The following SYNDIG1L variants were observed in gnomAD, a reference collection of about 807,000 sequenced individuals.
SYNDIG1L encodes synapse differentiation inducing 1 like, also known as synapse differentiation-inducing gene protein 1-like.
A neutral mutation model predicts 20.1 loss-of-function variants in SYNDIG1L; 13 were observed. That is an observed-to-expected ratio of 0.65 (90% CI 0.42 to 1.03). The LOEUF is 1.03. Among genes scored for constraint, SYNDIG1L ranks in the 50% least tolerant of loss-of-function variants. The pLI is 0.00. For synonymous variants in SYNDIG1L, 128 were observed against 129.3 expected, an observed-to-expected ratio of 0.99 and a Z score of 0.07; for missense variants, 294 against 305.1, an observed-to-expected ratio of 0.96 and a Z score of 0.27.
At chr14:74,412,485 C>T (rs962049516) in intron 1 of SYNDIG1L, among the ~76,000 whole-genome samples, 1 of 152,158 alleles carries the variant, frequency 6.6e-6, no homozygotes, top group African/African-American at 2.4e-5. Flanking sequence ...ATGAAATGGC[C>T]ACTGGTGTCA....
chr14:74,406,176 G>A lies in SYNDIG1L; in HGVS notation c.*1359C>T. On this transcript the variant is annotated 3_prime_UTR_variant, in exon 4 of 4. Transcript: ENST00000331628. ...TACCTGGAGATGTCTCTAAAATTCT[G>A]GATGTGCCCTAGTGGCTGAGGGTGT... The A allele has an allele frequency of 2.5e-6, 1 of 398,562 alleles. No individual in the cohort carries two copies. The highest frequency in any genetic ancestry group is 4.4e-6 in the Non-Finnish European group (1 of 226,270). The allele number at this position is 398,562 out of a possible 1,614,324, so 24.7% of individuals were successfully genotyped here.
At chr14:74,421,594 G>C (rs1320262721) in intron 1 of SYNDIG1L, among the ~76,000 whole-genome samples, 2 of 152,222 alleles carry the variant, frequency 1.3e-5, no homozygotes, top group African/African-American at 4.8e-5. Flanking sequence ...CACACACACA[G>C]AAGAGCAGGA....
the SYNDIG1L span, among the ~76,000 whole-genome samples, chr14:74,447,278 G>A: frequency 6.6e-6 from 1 of 152,054 alleles, no homozygotes; most frequent in Non-Finnish European, 1.5e-5. Flanking sequence ...AGCAAAGATT[G>A]GAAACTTACA....
intron 1 of SYNDIG1L, among the ~76,000 whole-genome samples, chr14:74,411,447 C>T (rs2086129993): frequency 6.6e-6 from 1 of 152,184 alleles, no homozygotes; most frequent in African/African-American, 2.4e-5. Context: ...CAGGGAGATC[C>T]TTCTGCTCCC....
the SYNDIG1L span, among the ~76,000 whole-genome samples, chr14:74,458,796 G>A: frequency 2.6e-5 from 4 of 152,082 alleles, no homozygotes; most frequent in Non-Finnish European, 5.9e-5. Flanking sequence ...CTGCTGTGAA[G>A]GAGTCAGGCA....
the SYNDIG1L span, among the ~76,000 whole-genome samples, chr14:74,468,765 T>G: frequency 6.6e-6 from 1 of 152,162 alleles, no homozygotes; most frequent in African/African-American, 2.4e-5. Context: ...GGACATGGCC[T>G]TTCTGTAGAT....
At chr14:74,417,977 T>C (rs1421521621) in intron 1 of SYNDIG1L, among the ~76,000 whole-genome samples, 1 of 152,220 alleles carries the variant, frequency 6.6e-6, no homozygotes, top group East Asian at 1.9e-4. Context: ...TATCTCTCAG[T>C]GCAACAAGAG....
upstream of SYNDIG1L, chr14:74,426,234 C>T (rs572534220): frequency 6.6e-5 from 10 of 152,330 alleles, no homozygotes; most frequent in African/African-American, 2.4e-4. Flanking sequence ...GGAGGGTCCC[C>T]CTCCTTCCCG....
At chr14:74,425,826 C>G (rs1243414521) in intron 1 of SYNDIG1L, 86 bp downstream of exon 1, 1 of 152,258 alleles carries the variant, frequency 6.6e-6, no homozygotes, top group Non-Finnish European at 1.5e-5. Context: ...CCCCTAGCCC[C>G]GAGAGGGCTC....
intron 1 of SYNDIG1L, among the ~76,000 whole-genome samples, chr14:74,412,461 C>T (rs1190441354): frequency 6.6e-6 from 1 of 152,198 alleles, no homozygotes; most frequent in African/African-American, 2.4e-5. Flanking sequence ...TCAGTTTCCC[C>T]AGTGAGTGAT....
chr14:74,445,324 A>G, the SYNDIG1L span, among the ~76,000 whole-genome samples: 324 of 152,302 alleles, frequency 2.1e-3, 2 homozygotes, highest in Admixed American at 4.1e-3. Context: ...AAATATATAT[A>G]TAAATTACCC....
the SYNDIG1L span, chr14:74,472,478 G>C: frequency 1.3e-5 from 2 of 152,198 alleles, no homozygotes; most frequent in Non-Finnish European, 2.9e-5. Context: ...CTGCTCCTTG[G>C]ACTAATAGCT....
At chr14:74,479,979 G>C in the SYNDIG1L span, 15,581 of 1,363,896 alleles carry the variant, frequency 0.011, 107 homozygotes, top group Non-Finnish European at 0.013. Context: ...TTATTCAAGA[G>C]TAAATTTCCA....
chr14:74,440,612 G>A, the SYNDIG1L span, among the ~76,000 whole-genome samples: 1 of 151,880 alleles, frequency 6.6e-6, no homozygotes. Context: ...GTGAACCTGG[G>A]AGGCAGAGCT....
At chr14:74,417,075 G>A (rs2139626815) in intron 1 of SYNDIG1L, among the ~76,000 whole-genome samples, 1 of 152,300 alleles carries the variant, frequency 6.6e-6, no homozygotes, top group Admixed American at 6.5e-5. Context: ...TGCTTCAAAT[G>A]GGTTATCTCA....
chr14:74,438,996 C>A, the SYNDIG1L span, among the ~76,000 whole-genome samples: 3 of 152,034 alleles, frequency 2.0e-5, no homozygotes, highest in Non-Finnish European at 4.4e-5. Context: ...TGCCTGTAAT[C>A]CCAGCTACTT....
chr14:74,443,911 T>C, the SYNDIG1L span, among the ~76,000 whole-genome samples: 4 of 152,166 alleles, frequency 2.6e-5, no homozygotes, highest in Non-Finnish European at 5.9e-5. Context: ...TGAGCATATT[T>C]CAGTTACATT....
At chr14:74,454,290 T>C in the SYNDIG1L span, among the ~76,000 whole-genome samples, 25 of 152,232 alleles carry the variant, frequency 1.6e-4, no homozygotes, top group African/African-American at 6.0e-4. Context: ...CTTTTAAAAC[T>C]TAACCTCATC....
chr14:74,422,161 A>G (rs920210183), intron 1 of SYNDIG1L, among the ~76,000 whole-genome samples: 2 of 152,150 alleles, frequency 1.3e-5, no homozygotes, highest in African/African-American at 4.8e-5. Context: ...GGAAGATAAC[A>G]CACCTAATGA....
Sources: allele counts gnomAD v4.1 joint callset (sites outside exome capture counted in the v4.1 genomes callset), GRCh38; gene constraint gnomAD v4.1.1; transcripts MANE v1.5; gene names NCBI Gene and HGNC (gene_info 2026-07-23, HGNC 2026-07-21).